Variants in NEXMIF observed in about 807,000 individuals in gnomAD.
NEXMIF encodes the protein neurite extension and migration factor, also known as XLMR protein related to neurite extension.
Under a neutral mutation model 62.1 loss-of-function variants are expected in NEXMIF, and 8 were observed. The observed-to-expected ratio is 0.13, with a 90% CI of 0.08 to 0.23. The LOEUF is 0.23. NEXMIF is among the 10% of genes least tolerant of loss of function. The pLI is 1.00. For synonymous variants in NEXMIF, 404 were observed against 416.6 expected (o/e 0.97, Z 0.37); for missense variants, 976 against 1,113.3 (o/e 0.88, Z 1.75).
At chrX:74,840,519 T>C (rs1206159347) in intron 1 of NEXMIF, among the ~76,000 whole-genome samples, 1 of 112,315 alleles carries the variant, frequency 8.9e-6, no homozygotes, top group Non-Finnish European at 1.9e-5. Flanking sequence ...TTTGCATTTG[T>C]TGGAATTGCC....
intron 1 of NEXMIF, among the ~76,000 whole-genome samples, chrX:74,834,648 T>A (rs2080450279): frequency 8.9e-6 from 1 of 112,131 alleles, no homozygotes; most frequent in Admixed American, 9.5e-5. Flanking sequence ...CTGTAAGGTT[T>A]CCACTGAAAA....
chrX:74,877,810 C>T lies in NEXMIF; in HGVS notation c.-48+47073G>A, dbSNP rs763806623. Among the ~76,000 whole-genome samples, 382 of 112,058 alleles carry T rather than the reference C, an allele frequency of 3.4e-3. 2 individuals carry two copies. Among genetic ancestry groups the T allele is most frequent in the African/African-American group, 0.012 (363 of 30,887 alleles). ...GCTCCTGAGGCTTCTGCATTCTTCA[C>T]GTAGTTCTCGAGCCTTGGTTTTCAG... On this transcript the variant is annotated intron_variant, in intron 1 of 3. Transcript: ENST00000055682.
chrX:74,910,919 G>T (rs2080787193), intron 1 of NEXMIF, among the ~76,000 whole-genome samples: 1 of 111,853 alleles, frequency 8.9e-6, no homozygotes. Context: ...GGCCTCCCCA[G>T]CCATGTGGAA....
At chrX:74,799,114 C>T (rs754517198) in intron 1 of NEXMIF, among the ~76,000 whole-genome samples, 1 of 111,484 alleles carries the variant, frequency 9.0e-6, no homozygotes, top group Admixed American at 9.5e-5. Flanking sequence ...ATCCTCCCAC[C>T]TCAGCCTCCC....
chrX:74,881,843 G>A (rs1434416488), intron 1 of NEXMIF, among the ~76,000 whole-genome samples: 1 of 111,922 alleles, frequency 8.9e-6, no homozygotes, highest in Non-Finnish European at 1.9e-5. Context: ...CAGTCAAGGA[G>A]GAGGTTATGG....
At chrX:74,796,231 TATATATATATATACAC>T (rs1291408524) in intron 1 of NEXMIF, among the ~76,000 whole-genome samples, 1 of 53,303 alleles carries the variant, frequency 1.9e-5, no homozygotes, top group African/African-American at 8.5e-5. Flanking sequence ...ACATATATAA[TATATATATATATACAC>T]ATATATATTA....
At chrX:74,852,783 C>A (rs971441143) in intron 1 of NEXMIF, among the ~76,000 whole-genome samples, 2 of 111,283 alleles carry the variant, frequency 1.8e-5, no homozygotes, top group Non-Finnish European at 3.8e-5. Flanking sequence ...CCAAAACTTA[C>A]AGGACACACA....
In NEXMIF at chrX:74,739,454, A is replaced by T. The variant is rs2080094736; in HGVS notation, c.4502T>A (p.Val1501Asp). 8.3e-7 allele frequency: 1 copy of T among 1,201,306 alleles called. No homozygotes were observed. The highest frequency in any genetic ancestry group is 2.3e-5 in the Admixed American group (1 of 43,831). The part of the protein sequence containing the change: ...NLLKAETTFW[V>D]LPVFEEETRI... ...AGTCTCTTCTTCAAACACAGGTAAA[A>T]CCCAAAAGGTTGTTTCTGCTTTTAG... The change falls in exon 4 of 4, where the codon GTT becomes GAT. Residue 1501 changes from valine to aspartate, a missense_variant. Physicochemically the swap from Val to Asp is radical, Grantham distance 152. Transcript: ENST00000055682.
At chrX:74,799,466 C>A (rs2080322476) in intron 1 of NEXMIF, among the ~76,000 whole-genome samples, 1 of 111,673 alleles carries the variant, frequency 9.0e-6, no homozygotes, top group South Asian at 3.7e-4. Flanking sequence ...AAAAGTTTCT[C>A]ATTTTCCATG....
intron 1 of NEXMIF, among the ~76,000 whole-genome samples, chrX:74,765,911 C>G (rs1278988631): frequency 9.6e-6 from 1 of 104,384 alleles, no homozygotes; most frequent in East Asian, 3.0e-4. Flanking sequence ...TGTGGTGGCA[C>G]ATACCTGTAG....
intron 1 of NEXMIF, among the ~76,000 whole-genome samples, chrX:74,875,735 G>A (rs1177918732): frequency 8.9e-6 from 1 of 111,939 alleles, no homozygotes; most frequent in East Asian, 2.8e-4. Context: ...GAGTGTATGT[G>A]TCCAGAAATT....
At chrX:74,753,898 T>C (rs754070995) in intron 1 of NEXMIF, among the ~76,000 whole-genome samples, 14 of 112,390 alleles carry the variant, frequency 1.2e-4, no homozygotes, top group East Asian at 2.8e-4. Flanking sequence ...CCAGTTAAGA[T>C]ACCATTTGAA....
At chrX:74,845,049 A>G (rs1171003647) in intron 1 of NEXMIF, among the ~76,000 whole-genome samples, 1 of 112,418 alleles carries the variant, frequency 8.9e-6, no homozygotes, top group Non-Finnish European at 1.9e-5. Context: ...GGTAAAGAGA[A>G]TTAATGATTA....
intron 1 of NEXMIF, among the ~76,000 whole-genome samples, chrX:74,789,741 T>C (rs1369855668): frequency 1.6e-4 from 18 of 109,869 alleles, no homozygotes; most frequent in African/African-American, 5.9e-4. Context: ...ATGAGCATTT[T>C]TTCATGTGTT....
chrX:74,911,865 C>A (rs2080791412), intron 1 of NEXMIF, among the ~76,000 whole-genome samples: 1 of 112,098 alleles, frequency 8.9e-6, no homozygotes, highest in South Asian at 3.8e-4. Flanking sequence ...GTATACTATA[C>A]AAACAATACA....
intron 1 of NEXMIF, among the ~76,000 whole-genome samples, chrX:74,823,395 T>C (rs1270771764): frequency 9.0e-6 from 1 of 111,533 alleles, no homozygotes; most frequent in African/African-American, 3.3e-5. Context: ...AACTGGTCTA[T>C]ACTCTTCAAA....
In NEXMIF at chrX:74,751,623, C is replaced by CCTTCCTTCCTTCCTT. The variant is rs2080142970; in HGVS notation, c.-47-5927_-47-5926insAAGGAAGGAAGGAAG. ...GCTGTGATTACAGGCTACCATCACG[C>CCTTCCTTCCTTCCTT]CCTTCCTTCCTTCCTTCCTTCCTTC... On this transcript the variant is annotated intron_variant, in intron 1 of 3. Transcript: ENST00000055682. 3.4e-5 allele frequency among the ~76,000 whole-genome samples: 3 copies of CCTTCCTTCCTTCCTT among 87,316 alleles called. No homozygotes were observed. In the Admixed American group the frequency reaches 4.0e-4, roughly 12 times the overall value. 75.8% of individuals were successfully genotyped at this position (87,316 alleles called of 115,157 possible). A position where few individuals can be genotyped will look rare whatever the true frequency, so the allele number is the denominator to read the frequency against.
chrX:74,916,235 C>T (rs1387174318), intron 1 of NEXMIF, among the ~76,000 whole-genome samples: 1 of 111,893 alleles, frequency 8.9e-6, no homozygotes, highest in Non-Finnish European at 1.9e-5. Flanking sequence ...ACATTATTCC[C>T]TATTAAATGG....
At chrX:74,847,416 A>G (rs1420286431) in intron 1 of NEXMIF, among the ~76,000 whole-genome samples, 1 of 112,250 alleles carries the variant, frequency 8.9e-6, no homozygotes, top group Non-Finnish European at 1.9e-5. Context: ...GTTAACCTAG[A>G]AAATGTGAAC....
Sources: gnomAD v4.1 joint callset for allele counts (sites outside exome capture counted in the v4.1 genomes callset) on GRCh38, gnomAD v4.1.1 for gene constraint, MANE v1.5 for transcripts, NCBI Gene and HGNC (gene_info 2026-07-23, HGNC 2026-07-21) for gene names.